NAV3: variants seen among roughly 807,000 people sequenced by gnomAD.
NAV3 encodes pore membrane and/or filament interacting like protein 1.
In NAV3, 87 loss-of-function variants were observed where a neutral mutation model predicts 244.7. That is an observed-to-expected ratio of 0.36 (90% CI 0.30 to 0.42). The LOEUF is 0.42. Ranked by LOEUF, NAV3 falls within the 20% of genes least tolerant of loss-of-function variation. The pLI, the probability that NAV3 is intolerant of heterozygous loss-of-function variation, is 1.00. For missense variants in NAV3, 2,663 were observed against 2,893.3 expected, an observed-to-expected ratio of 0.92 and a Z score of 1.83; for synonymous variants, 1,126 against 1,042.2, an observed-to-expected ratio of 1.08 and a Z score of -1.55.
At chr12:78,145,187 G>T (rs1194317703) in intron 20 of NAV3, 1 of 167,548 alleles carries the variant, frequency 6.0e-6, no homozygotes, top group Non-Finnish European at 1.3e-5. Context: ...ATTCAAGAGT[G>T]CTTTTTAAAA....
chr12:77,878,822 T>C (rs1258814314), intron 1 of NAV3, among the ~76,000 whole-genome samples: 2 of 152,120 alleles, frequency 1.3e-5, no homozygotes, highest in East Asian at 3.9e-4. Context: ...ATTTACTCTT[T>C]CCTCTTGAAA....
At chr12:78,157,371 G>A (rs1318348301) in intron 22 of NAV3, among the ~76,000 whole-genome samples, 3 of 149,600 alleles carry the variant, frequency 2.0e-5, no homozygotes, top group Non-Finnish European at 3.0e-5. Flanking sequence ...GCAACAGGGT[G>A]AGGCACTGTC....
intron 2 of NAV3, among the ~76,000 whole-genome samples, chr12:77,764,561 A>T (rs765637222): frequency 6.6e-6 from 1 of 152,236 alleles, no homozygotes; most frequent in African/African-American, 2.4e-5. Flanking sequence ...ATTTAAATTG[A>T]TATATCATTT....
intron 12 of NAV3, among the ~76,000 whole-genome samples, chr12:78,080,519 A>G (rs1408027705): frequency 6.6e-6 from 1 of 152,126 alleles, no homozygotes; most frequent in Non-Finnish European, 1.5e-5. Flanking sequence ...TTTTGATTCC[A>G]TTGTTGTTGT....
At chr12:77,656,850 GA>G (rs1244541401) in intron 2 of NAV3, among the ~76,000 whole-genome samples, 1 of 151,990 alleles carries the variant, frequency 6.6e-6, no homozygotes, top group Non-Finnish European at 1.5e-5. Context: ...ACCTGCTCCT[GA>G]ATGACTACTG....
At chr12:78,085,487 G>A (rs1008690727) in intron 12 of NAV3, among the ~76,000 whole-genome samples, 3 of 152,070 alleles carry the variant, frequency 2.0e-5, no homozygotes, top group Admixed American at 2.0e-4. Flanking sequence ...TCCACAAAAA[G>A]GGAAAGTAGA....
At chr12:77,911,489 T>A (rs1886582989) in intron 1 of NAV3, among the ~76,000 whole-genome samples, 1 of 152,146 alleles carries the variant, frequency 6.6e-6, no homozygotes, top group Admixed American at 6.5e-5. Context: ...TATTTTGGTT[T>A]ATTGTCAATG....
chr12:77,801,387 T>C (rs899932585), intron 2 of NAV3, among the ~76,000 whole-genome samples: 1 of 152,142 alleles, frequency 6.6e-6, no homozygotes, highest in Non-Finnish European at 1.5e-5. Context: ...TCCTCTTCTA[T>C]TTTTAAAATT....
At chr12:77,994,725 G>T in intron 5 of NAV3, 78 bp from the exon 6 acceptor site, 2 of 1,123,184 alleles carry the variant, frequency 1.8e-6, no homozygotes, top group South Asian at 1.4e-5. Context: ...TTAATTCATA[G>T]TTTTCTTGTA....
chr12:77,775,989 A>C (rs1870334866), intron 2 of NAV3: 1 of 152,264 alleles, frequency 6.6e-6, no homozygotes, highest in Non-Finnish European at 1.5e-5. Context: ...GTCCAAGATC[A>C]GCGTTCATGC....
At chr12:77,734,661 T>C (rs552256610) in intron 2 of NAV3, among the ~76,000 whole-genome samples, 2 of 152,194 alleles carry the variant, frequency 1.3e-5, no homozygotes, top group Non-Finnish European at 2.9e-5. Flanking sequence ...TTATTTATTT[T>C]TTTAAACCTC....
intron 2 of NAV3, among the ~76,000 whole-genome samples, chr12:77,726,810 G>A (rs1438572522): frequency 6.6e-6 from 1 of 151,954 alleles, no homozygotes; most frequent in Non-Finnish European, 1.5e-5. Flanking sequence ...GCTTGGCACA[G>A]TGGATGATTG....
intron 2 of NAV3, among the ~76,000 whole-genome samples, chr12:77,742,218 T>G (rs1375309915): frequency 6.6e-6 from 1 of 152,096 alleles, no homozygotes; most frequent in Non-Finnish European, 1.5e-5. Context: ...TTTTCAAGTT[T>G]GATGTATATG....
intron 1 of NAV3, among the ~76,000 whole-genome samples, chr12:77,874,021 C>A (rs1227418011): frequency 6.6e-6 from 1 of 151,344 alleles, no homozygotes; most frequent in Admixed American, 6.6e-5. Flanking sequence ...AGAATGAATC[C>A]TATTGTGAAC....
At position 77,685,445 on chromosome 12, in the gene NAV3, C is replaced by T. The variant is rs999240423; in HGVS notation, c.72+113179C>T. Among the ~76,000 whole-genome samples the T allele has an allele frequency of 7.3e-5, 11 of 151,472 alleles. No individual in the cohort carries two copies. The East Asian group carries it at 2.1e-3, about 29-fold the overall frequency. Reference sequence around the variant, plus strand: ...CAATGACAGATTCTCCAGCTCAAATCTTTAAGATACTCCCAACGCATACAC... The same window carrying T: ...CAATGACAGATTCTCCAGCTCAAATTTTTAAGATACTCCCAACGCATACAC... On this transcript the variant is annotated intron_variant, in intron 2 of 8. Transcript: ENST00000550042.
At chr12:78,121,917 G>T (rs1236527909) in intron 15 of NAV3, 23 bp from the exon 16 acceptor site, 1 of 1,609,966 alleles carries the variant, frequency 6.2e-7, no homozygotes, top group Non-Finnish European at 8.5e-7. Context: ...AACAACTGAA[G>T]TTGTTATTTG....
At chr12:78,018,327 G>A (rs987220710) in intron 8 of NAV3, among the ~76,000 whole-genome samples, 6 of 152,162 alleles carry the variant, frequency 3.9e-5, no homozygotes, top group African/African-American at 1.2e-4. Flanking sequence ...CAGACAGGGG[G>A]AATGGGAACT....
At chr12:77,608,380 A>G (rs1342367429) in intron 2 of NAV3, among the ~76,000 whole-genome samples, 2 of 152,084 alleles carry the variant, frequency 1.3e-5, no homozygotes, top group African/African-American at 4.8e-5. Flanking sequence ...TCTGCCAAAA[A>G]CCTTCTAAAG....
At chr12:78,158,259 T>A (rs988998280) in intron 22 of NAV3, among the ~76,000 whole-genome samples, 4 of 152,186 alleles carry the variant, frequency 2.6e-5, no homozygotes, top group Non-Finnish European at 5.9e-5. Context: ...TGCAAAATAT[T>A]AAATCCTTAT....
Sources: gnomAD v4.1 joint callset for allele counts (sites outside exome capture counted in the v4.1 genomes callset) on GRCh38, gnomAD v4.1.1 for gene constraint, MANE v1.5 for transcripts, NCBI Gene and HGNC (gene_info 2026-07-23, HGNC 2026-07-21) for gene names.